FCRL2: variants seen among roughly 807,000 people sequenced by gnomAD.
FCRL2 encodes the protein Fc receptor like 2.
A neutral mutation model predicts 59.8 loss-of-function variants in FCRL2; 48 were observed. The ratio of observed to expected loss-of-function variants is 0.80; its 90% CI spans 0.64 to 1.02. The LOEUF (loss-of-function observed/expected upper bound fraction) is 1.02, where lower values mean the gene tolerates loss of function less well. Among genes scored for constraint, FCRL2 ranks in the 50% least tolerant of loss-of-function variants. The probability of loss-of-function intolerance (pLI) is 0.00; values close to 1 mark genes in which losing one functional copy is unlikely to be tolerated. For missense variants in FCRL2, 658 were observed against 597.3 expected (o/e 1.10, Z -1.06); for synonymous variants, 251 against 229.5 (o/e 1.09, Z -0.85).
chr1:157,753,487 A>T (rs1219159709), intron 7 of FCRL2, among the ~76,000 whole-genome samples: 1 of 152,178 alleles, frequency 6.6e-6, no homozygotes, highest in African/African-American at 2.4e-5. Context: ...CAAATGAAAA[A>T]GTTTAGGTAA....
At chr1:157,755,649 C>A (rs1648531209) in intron 7 of FCRL2, among the ~76,000 whole-genome samples, 1 of 152,156 alleles carries the variant, frequency 6.6e-6, no homozygotes, top group Non-Finnish European at 1.5e-5. Context: ...ATTAAGATAA[C>A]TATTGCAAAT....
intron 7 of FCRL2, among the ~76,000 whole-genome samples, chr1:157,750,241 T>C (rs1345927761): frequency 6.6e-6 from 1 of 152,198 alleles, no homozygotes; most frequent in Non-Finnish European, 1.5e-5. Context: ...CATAGATGTA[T>C]CAGCTGTGTG....
chr1:157,755,077 ATAAG>A (rs1553202277), intron 7 of FCRL2, among the ~76,000 whole-genome samples: 1 of 152,194 alleles, frequency 6.6e-6, no homozygotes, highest in Non-Finnish European at 1.5e-5. Context: ...GAAGATACTG[ATAAG>A]TTAGACCACA....
intron 7 of FCRL2, among the ~76,000 whole-genome samples, chr1:157,751,875 A>G (rs1648215176): frequency 6.6e-6 from 1 of 152,262 alleles, no homozygotes; most frequent in African/African-American, 2.4e-5. Context: ...CCCCCAAAAT[A>G]GGAGCTGATT....
At chr1:157,767,780 TC>T (rs1649640259) in intron 5 of FCRL2, 1 of 1,180,092 alleles carries the variant, frequency 8.5e-7, no homozygotes, top group Non-Finnish European at 1.1e-6. Context: ...TCTTCATATT[TC>T]TTTTTTTTCT....
Position 157,754,411 on chromosome 1 carries a change from A to AC in FCRL2, c.1280-4735dup, listed in dbSNP as rs369244007. Among the ~76,000 whole-genome samples, 16 of 152,168 alleles carry AC rather than the reference A, an allele frequency of 1.1e-4. 1 individual carries two copies. Among genetic ancestry groups the AC allele is most frequent in the African/African-American group, 3.9e-4 (16 of 41,514 alleles). On this transcript the variant is annotated intron_variant, in intron 7 of 11. Transcript: ENST00000361516. ...TAAAAAGGGGAGGCATGAATAATCC[A>AC]CCCCTTGTTTAGCATATCATCAAGA... is the stretch of plus-strand genomic sequence containing the variant.
Position 157,768,533 on chromosome 1 carries a change from G to C in FCRL2, c.764C>G (p.Ser255Cys), listed in dbSNP as rs1649709494. ...GTSMGKKTQRSLSAELEIPAV... is the reference protein window; with the variant it reads ...GTSMGKKTQRCLSAELEIPAV... ...TGGGATCTCCAGCTCTGCTGACAGG[G>C]AACGCTGGGTTTTCTTTCCCATACT... The change falls in exon 5 of 12, where the codon TCC becomes TGC. Residue 255 changes from serine (S) to cysteine (C), a missense_variant. Physicochemically the swap from Ser to Cys is moderately radical, Grantham distance 112. Coordinates refer to ENST00000361516, the MANE Select transcript of FCRL2 (RefSeq NM_030764.4). The C allele has an allele frequency of 6.2e-7, 1 of 1,614,100 alleles. No homozygotes were observed. Among genetic ancestry groups the C allele is most frequent in the African/African-American group, 1.3e-5 (1 of 74,934 alleles).
chr1:157,754,919 T>G (rs1388296157), intron 7 of FCRL2, among the ~76,000 whole-genome samples: 1 of 151,466 alleles, frequency 6.6e-6, no homozygotes, highest in Non-Finnish European at 1.5e-5. Flanking sequence ...TGATCCGAGA[T>G]TGCACCACTG....
chr1:157,757,409 C>A (rs940789595), intron 7 of FCRL2, among the ~76,000 whole-genome samples: 1 of 152,008 alleles, frequency 6.6e-6, no homozygotes, highest in African/African-American at 2.4e-5. Context: ...AAGGGTACAG[C>A]AAACAACCAT....
At chr1:157,764,792 A>T (rs60886799) in intron 7 of FCRL2, among the ~76,000 whole-genome samples, 30 of 152,360 alleles carry the variant, frequency 2.0e-4, no homozygotes, top group African/African-American at 7.2e-4. Flanking sequence ...GAAACGTAAC[A>T]TACTAAAACC....
chr1:157,749,675 C>G lies in FCRL2; in HGVS notation c.1282G>C (p.Glu428Gln). The part of the protein sequence containing the change: ...LYALFHKISG[E>Q]SSATNEPRGA... ...CTGGGTTCATTAGTGGCAGAACTTT[C>G]TCCTGAAATGCAAATAAAACAAAAT... The change falls in exon 8 of 12, where the codon GAA becomes CAA. Residue 428 changes from glutamate to glutamine, a missense_variant and splice_region_variant. By Grantham distance (29) the Glu-to-Gln change is conservative (BLOSUM62 2). Coordinates refer to ENST00000361516, the MANE Select transcript of FCRL2 (RefSeq NM_030764.4). The G allele has an allele frequency of 1.2e-6, 2 of 1,607,340 alleles. No homozygotes were observed. Among genetic ancestry groups the G allele is most frequent in the Non-Finnish European group, 8.5e-7 (1 of 1,175,834 alleles).
chr1:157,770,754 C>A, intron 2 of FCRL2, 88 bp from the exon 3 acceptor site: 1 of 1,399,702 alleles, frequency 7.1e-7, no homozygotes, highest in Non-Finnish European at 9.8e-7. Context: ...TCAGGCATAG[C>A]CTCTACTTCT....
chr1:157,774,601 T>G (rs1488589787), intron 2 of FCRL2: 2 of 384,250 alleles, frequency 5.2e-6, no homozygotes, highest in Non-Finnish European at 1.0e-5. Context: ...GCCTGCTGTC[T>G]TGGCATGATT....
At chr1:157,749,237 A>T (rs2101665528) in intron 8 of FCRL2, among the ~76,000 whole-genome samples, 1 of 151,818 alleles carries the variant, frequency 6.6e-6, no homozygotes, top group Admixed American at 6.6e-5. Flanking sequence ...CCTTTTTCTC[A>T]TTACTTTATC....
At chr1:157,750,824 T>C (rs1324688622) in intron 7 of FCRL2, among the ~76,000 whole-genome samples, 1 of 152,234 alleles carries the variant, frequency 6.6e-6, no homozygotes, top group African/African-American at 2.4e-5. Context: ...TTGAAGAAAT[T>C]ATTTTAAAAT....
Position 157,764,207 on chromosome 1 carries a change from T to TAATA in FCRL2, c.1279+2644_1279+2647dup, listed in dbSNP as rs575062103. On this transcript the variant is annotated intron_variant, in intron 7 of 11. Coordinates refer to ENST00000361516, the MANE Select transcript of FCRL2 (RefSeq NM_030764.4). ...GACAGAGCAAGACTCTGCCTCAAAA[T>TAATA]AATAAATAAATAAATAAATAATGGT... 8.0e-3 allele frequency among the ~76,000 whole-genome samples: 1,175 copies of TAATA among 147,278 alleles called. 13 individuals are homozygous for TAATA. The highest frequency in any genetic ancestry group is 0.027 in the African/African-American group (1,078 of 39,534).
chr1:157,766,136 A>G (rs1649473852), intron 7 of FCRL2, among the ~76,000 whole-genome samples: 1 of 152,222 alleles, frequency 6.6e-6, no homozygotes, highest in Non-Finnish European at 1.5e-5. Flanking sequence ...AGGTGGCTAA[A>G]AAGAAATGGA....
At chr1:157,755,673 T>A (rs1284904762) in intron 7 of FCRL2, among the ~76,000 whole-genome samples, 1 of 152,182 alleles carries the variant, frequency 6.6e-6, no homozygotes, top group Non-Finnish European at 1.5e-5. Flanking sequence ...TGAATAGAAT[T>A]CTTTGCAACC....
intron 7 of FCRL2, among the ~76,000 whole-genome samples, chr1:157,756,377 A>C (rs752988911): frequency 6.6e-6 from 1 of 152,202 alleles, no homozygotes; most frequent in Non-Finnish European, 1.5e-5. Flanking sequence ...TCACCATGAA[A>C]TAAATTGCCA....
Sources: gnomAD v4.1 joint callset for allele counts (sites outside exome capture counted in the v4.1 genomes callset) on GRCh38, gnomAD v4.1.1 for gene constraint, MANE v1.5 for transcripts, NCBI Gene and HGNC (gene_info 2026-07-23, HGNC 2026-07-21) for gene names.